The following NMNAT3 variants were observed in gnomAD, a reference collection of about 807,000 sequenced individuals.
The protein encoded by NMNAT3 is nicotinamide nucleotide adenylyltransferase 3, also known as nicotinamide/nicotinic acid mononucleotide adenylyltransferase 3.
NMNAT3 carries 21 observed loss-of-function variants against 24.8 expected under a neutral mutation model. That is an observed-to-expected ratio of 0.85 (90% CI 0.60 to 1.22). The LOEUF is 1.22. NMNAT3 is among the 50% of genes most tolerant of loss of function. NMNAT3 has a pLI of 0.00. For synonymous variants in NMNAT3, 136 were observed against 155.2 expected, an observed-to-expected ratio of 0.88 and a Z score of 0.92; for missense variants, 387 against 436.6, an observed-to-expected ratio of 0.89 and a Z score of 1.01.
At chr3:139,596,914 GTGTA>G in intron 3 of NMNAT3, among the ~76,000 whole-genome samples, 1 of 28,494 alleles carries the variant, frequency 3.5e-5, no homozygotes, top group African/African-American at 1.2e-4. Flanking sequence ...TTTGTCATGT[GTGTA>G]TATATATATA....
chr3:139,669,478 GAAAAAA>G (rs61403161), intron 1 of NMNAT3, among the ~76,000 whole-genome samples: 14 of 59,324 alleles, frequency 2.4e-4, no homozygotes, highest in East Asian at 9.8e-4. Context: ...CCCTGTCTCA[GAAAAAA>G]AAAAAAAAAA....
intron 5 of NMNAT3, among the ~76,000 whole-genome samples, 180 bp downstream of exon 5, chr3:139,578,692 C>G (rs966991280): frequency 6.6e-6 from 1 of 152,052 alleles, no homozygotes; most frequent in South Asian, 2.1e-4. Context: ...GCTCAGGGAC[C>G]TCTCTGAGAA....
At chr3:139,640,134 C>T (rs2056649319) in intron 1 of NMNAT3, among the ~76,000 whole-genome samples, 1 of 152,188 alleles carries the variant, frequency 6.6e-6, no homozygotes, top group Non-Finnish European at 1.5e-5. Context: ...ACTGTGCATG[C>T]ATAAGGGTCC....
At chr3:139,671,126 G>C (rs1051754797) in intron 1 of NMNAT3, among the ~76,000 whole-genome samples, 3 of 152,120 alleles carry the variant, frequency 2.0e-5, no homozygotes, top group African/African-American at 7.2e-5. Context: ...ATAGTTATAG[G>C]AATAATAAAA....
chr3:139,633,759 T>G (rs2056395098), intron 2 of NMNAT3, among the ~76,000 whole-genome samples: 1 of 151,984 alleles, frequency 6.6e-6, no homozygotes, highest in Non-Finnish European at 1.5e-5. Flanking sequence ...GGAGCTGATG[T>G]GTGAGTGGCT....
chr3:139,613,446 T>C lies in NMNAT3; in HGVS notation c.109+14170A>G, dbSNP rs983514160. 1.2e-4 allele frequency among the ~76,000 whole-genome samples: 19 copies of C among 152,274 alleles called. No individual in the cohort carries two copies. In the South Asian group the frequency reaches 1.5e-3, roughly 12 times the overall value. On this transcript the variant is annotated intron_variant, in intron 3 of 6. Coordinates refer to ENST00000643695, the MANE Select transcript of NMNAT3 (RefSeq NM_001320510.2). The stretch of plus-strand genomic sequence containing the variant: ...AAAACCACAATGAGATACCATCTCA[T>C]ACCAGTTAGGATGGCAATCATTAAA...
intron 3 of NMNAT3, among the ~76,000 whole-genome samples, chr3:139,622,395 C>T (rs2055818912): frequency 6.6e-6 from 1 of 151,478 alleles, no homozygotes; most frequent in South Asian, 2.1e-4. Flanking sequence ...GGGAAGTGTT[C>T]TAAACATATC....
intron 6 of NMNAT3, chr3:139,571,575 C>G (rs949405137): frequency 6.6e-6 from 1 of 151,834 alleles, no homozygotes; most frequent in African/African-American, 2.4e-5. Context: ...AGGGTCTGAA[C>G]AGAGAGAAAG....
chr3:139,578,867 A>G lies in NMNAT3; in HGVS notation c.575+5T>C. ...GTCATCACACAGGAGAGTGACTACC[A>G]TTACCTCAGCACCTTCACTGTCTCC... On this transcript the variant is annotated splice_donor_5th_base_variant and intron_variant, in intron 5 of 6. Coordinates refer to ENST00000643695, the MANE Select transcript of NMNAT3 (RefSeq NM_001320510.2). 1 of 1,612,504 alleles carries G rather than the reference A, an allele frequency of 6.2e-7. No homozygotes were observed. The highest frequency in any genetic ancestry group is 1.1e-5 in the South Asian group (1 of 90,818).
At chr3:139,671,981 G>T (rs2057772314) in intron 1 of NMNAT3, among the ~76,000 whole-genome samples, 2 of 152,176 alleles carry the variant, frequency 1.3e-5, no homozygotes, top group Admixed American at 1.3e-4. Flanking sequence ...GGGTTGGTTT[G>T]CATCACATGT....
Position 139,578,983 on chromosome 3 carries a change from G to A in NMNAT3, c.464C>T (p.Ser155Phe). ...CCGGGCCATGGCCACTCGGTGATGA[G>A]AAGCTGCGAGGTCTTTCTTCCCATA... The change falls in exon 5 of 7, where the codon TCT becomes TTT. Residue 155 changes from serine (S) to phenylalanine (F), a missense_variant. Physicochemically the swap from Ser to Phe is radical, Grantham distance 155. Around this residue, in one of 3 missense-constraint regions of NMNAT3, gnomAD observed 323 missense variants for 345.2 expected, o/e 0.94. Coordinates refer to ENST00000643695, the MANE Select transcript of NMNAT3 (RefSeq NM_001320510.2). 1 of 1,614,222 alleles carries A rather than the reference G, an allele frequency of 6.2e-7. No individual in the cohort carries two copies. The highest frequency in any genetic ancestry group is 8.5e-7 in the Non-Finnish European group (1 of 1,180,032).
chr3:139,640,838 C>A (rs1394775250), intron 1 of NMNAT3, among the ~76,000 whole-genome samples: 1 of 152,176 alleles, frequency 6.6e-6, no homozygotes, highest in Non-Finnish European at 1.5e-5. Flanking sequence ...AGCAGACTGC[C>A]ATGGTGATAA....
chr3:139,574,252 T>C (rs1421665871), intron 5 of NMNAT3, among the ~76,000 whole-genome samples: 1 of 152,172 alleles, frequency 6.6e-6, no homozygotes, highest in Non-Finnish European at 1.5e-5. Flanking sequence ...ATGGCCTGGG[T>C]TGAATCTCAG....
In NMNAT3 at chr3:139,596,951, TATATATATATA is replaced by T. The variant is rs1559891186; in HGVS notation, c.110-13754_110-13744del. Among the ~76,000 whole-genome samples, 50 of 114,556 alleles carry T rather than the reference TATATATATATA, an allele frequency of 4.4e-4. 2 individuals are homozygous for T. The highest frequency in any genetic ancestry group is 2.2e-3 in the African/African-American group (49 of 22,684). 75.2% of individuals were successfully genotyped at this position (114,556 alleles called of 152,430 possible). On this transcript the variant is annotated intron_variant, in intron 3 of 6. Coordinates refer to ENST00000643695, the MANE Select transcript of NMNAT3 (RefSeq NM_001320510.2). ...ATATATATATATATATATATATATA[TATATATATATA>T]TATTTTTATTACATTGCATTACAAC...
chr3:139,627,594 G>A (rs773982020), intron 3 of NMNAT3, 22 bp downstream of exon 4: 33 of 1,438,576 alleles, frequency 2.3e-5, no homozygotes, highest in Non-Finnish European at 3.0e-5. Context: ...TCTTCTGTTG[G>A]ACTCAGGGCC....
chr3:139,666,078 A>G (rs528666547), intron 1 of NMNAT3, among the ~76,000 whole-genome samples: 5 of 152,238 alleles, frequency 3.3e-5, no homozygotes, highest in Non-Finnish European at 7.3e-5. Flanking sequence ...GGTGGTTCTC[A>G]GAGGAGTAGT....
chr3:139,572,720 A>G (rs1938593499), intron 6 of NMNAT3, among the ~76,000 whole-genome samples: 1 of 152,234 alleles, frequency 6.6e-6, no homozygotes, highest in Admixed American at 6.5e-5. Flanking sequence ...TATTAAACAA[A>G]GAGTTCCATA....
chr3:139,595,204 A>G (rs554458564), intron 3 of NMNAT3, among the ~76,000 whole-genome samples: 5 of 152,316 alleles, frequency 3.3e-5, no homozygotes, highest in African/African-American at 9.6e-5. Context: ...GTGAATTCCC[A>G]TTCACAATTG....
At chr3:139,632,673 A>T (rs1240871456) in intron 2 of NMNAT3, among the ~76,000 whole-genome samples, 1 of 152,224 alleles carries the variant, frequency 6.6e-6, no homozygotes, top group Non-Finnish European at 1.5e-5. Context: ...GGCAATGCAG[A>T]TGCAGCCCTC....
Sources: gnomAD v4.1 joint callset for allele counts (sites outside exome capture counted in the v4.1 genomes callset) on GRCh38, gnomAD v4.1.1 for gene constraint, gnomAD v4.1.1 regional missense constraint, MANE v1.5 for transcripts, NCBI Gene and HGNC (gene_info 2026-07-23, HGNC 2026-07-21) for gene names.